The following ERC1 variants were observed in gnomAD, a reference collection of about 807,000 sequenced individuals.
ERC1 encodes the protein RAB6 interacting protein 2.
ERC1 carries 56 observed loss-of-function variants against 132.0 expected under a neutral mutation model. The observed-to-expected ratio is 0.42, with a 90% confidence interval of 0.34 to 0.53. ERC1 has a LOEUF of 0.53. ERC1 is among the 20% of genes least tolerant of loss of function. The pLI, the probability that ERC1 is intolerant of heterozygous loss-of-function variation, is 0.03. For missense variants in ERC1, 1,202 were observed against 1,349.9 expected (o/e 0.89, Z 1.72); for synonymous variants, 478 against 476.1 (o/e 1.00, Z -0.05).
rs114434354 is a variant in ERC1, at chr12:1,210,193, T to C, written c.2351+20141T>C. On this transcript the variant is annotated intron_variant, in intron 12 of 18. Coordinates refer to ENST00000360905, the MANE Select transcript of ERC1 (RefSeq NM_178040.4). The stretch of plus-strand genomic sequence containing the variant: ...TATGGCTTATGCTTTCACAGAAACC[T>C]TCCTTCCAACCTCTAGTTTCTGTTG... 2.7e-3 allele frequency among the ~76,000 whole-genome samples: 407 copies of C among 152,356 alleles called. 5 individuals carry two copies. Among genetic ancestry groups the C allele is most frequent in the African/African-American group, 8.4e-3 (348 of 41,586 alleles).
chr12:1,287,329 C>T (rs139838866), intron 14 of ERC1, among the ~76,000 whole-genome samples: 9 of 152,278 alleles, frequency 5.9e-5, no homozygotes, highest in East Asian at 5.8e-4. Flanking sequence ...TATTGTATAA[C>T]GAACAACCAC....
chr12:1,007,490 C>CTCTT (rs1555194749), intron 1 of ERC1, among the ~76,000 whole-genome samples: 44 of 134,180 alleles, frequency 3.3e-4, no homozygotes, highest in Middle Eastern at 3.7e-3. Context: ...CTCTCTCTCT[C>CTCTT]TCTTTCTCTC....
chr12:997,056 C>CT (rs1290345742), intron 1 of ERC1, among the ~76,000 whole-genome samples: 9 of 152,168 alleles, frequency 5.9e-5, no homozygotes, highest in Non-Finnish European at 1.3e-4. Context: ...GTAGCTGGGA[C>CT]TGTAGCCATG....
At chr12:1,426,819 T>C in intron 17 of ERC1, among the ~76,000 whole-genome samples, 1 of 152,282 alleles carries the variant, frequency 6.6e-6, no homozygotes, top group Non-Finnish European at 1.5e-5. Flanking sequence ...GTTCTTTTTT[T>C]CTTCATAATT....
At chr12:1,008,391 A>G (rs1369384341) in intron 1 of ERC1, among the ~76,000 whole-genome samples, 1 of 152,224 alleles carries the variant, frequency 6.6e-6, no homozygotes, top group Non-Finnish European at 1.5e-5. Context: ...TATGTCCAAA[A>G]TATGATTTAC....
At chr12:993,456 A>G (rs2154125866) in intron 1 of ERC1, among the ~76,000 whole-genome samples, 1 of 152,350 alleles carries the variant, frequency 6.6e-6, no homozygotes, top group Admixed American at 6.5e-5. Flanking sequence ...GCCTGAAATT[A>G]TGCCTACATT....
At chr12:1,112,032 T>TG (rs1432669878) in intron 5 of ERC1, among the ~76,000 whole-genome samples, 183 bp from the exon 6 acceptor site, 1 of 97,814 alleles carries the variant, frequency 1.0e-5, no homozygotes, top group African/African-American at 3.9e-5. Context: ...CAGTCCACTG[T>TG]GGGGGGAAAA....
chr12:1,379,440 A>G (rs1244804544), intron 16 of ERC1, among the ~76,000 whole-genome samples: 1 of 152,194 alleles, frequency 6.6e-6, no homozygotes, highest in Admixed American at 6.5e-5. Flanking sequence ...TGAGGTTTGC[A>G]CTAGTCTCTC....
intron 15 of ERC1, among the ~76,000 whole-genome samples, chr12:1,337,932 A>G (rs1310879598): frequency 1.3e-5 from 2 of 152,144 alleles, no homozygotes; most frequent in African/African-American, 4.8e-5. Context: ...TTGCCTTTGT[A>G]GGTGACCTTA....
At chr12:1,184,376 A>G (rs1954834598) in intron 11 of ERC1, among the ~76,000 whole-genome samples, 1 of 152,002 alleles carries the variant, frequency 6.6e-6, no homozygotes, top group Non-Finnish European at 1.5e-5. Context: ...CTAGAATTTT[A>G]TTATCTTCAC....
chr12:1,380,990 G>C (rs528905552), intron 16 of ERC1: 1 of 152,312 alleles, frequency 6.6e-6, no homozygotes, highest in East Asian at 1.9e-4. Context: ...CCTCGATAAT[G>C]AGGCCAGCCT....
chr12:999,690 G>A (rs1961788648), intron 1 of ERC1, among the ~76,000 whole-genome samples: 2 of 138,572 alleles, frequency 1.4e-5, no homozygotes, highest in African/African-American at 5.4e-5. Flanking sequence ...CCGCCTCCCG[G>A]GTTCAAACGA....
chr12:1,167,307 C>T (rs1249268533), intron 8 of ERC1, among the ~76,000 whole-genome samples: 1 of 152,220 alleles, frequency 6.6e-6, no homozygotes. Context: ...ATATTTTCTT[C>T]TGCTTAAAAA....
chr12:1,262,313 A>G (rs1261702082), intron 13 of ERC1, among the ~76,000 whole-genome samples: 1 of 152,214 alleles, frequency 6.6e-6, no homozygotes, highest in African/African-American at 2.4e-5. Context: ...AGCGTTCTGT[A>G]GGGTTTTGTT....
intron 18 of ERC1, among the ~76,000 whole-genome samples, chr12:1,455,806 G>A (rs2093521046): frequency 6.6e-6 from 1 of 152,192 alleles, no homozygotes; most frequent in South Asian, 2.1e-4. Context: ...AAGGATTTGA[G>A]TCCTGCTTCC....
At chr12:1,273,992 G>C (rs2078066605) in intron 14 of ERC1, among the ~76,000 whole-genome samples, 1 of 152,136 alleles carries the variant, frequency 6.6e-6, no homozygotes, top group Admixed American at 6.6e-5. Flanking sequence ...AGAAATAATG[G>C]TGGAAGACTA....
intron 8 of ERC1, among the ~76,000 whole-genome samples, chr12:1,180,031 A>G (rs1954231632): frequency 1.3e-5 from 2 of 152,214 alleles, no homozygotes; most frequent in Admixed American, 1.3e-4. Flanking sequence ...CTAACCTAAC[A>G]CTAGCCTTTA....
intron 15 of ERC1, among the ~76,000 whole-genome samples, chr12:1,363,526 G>A (rs1159085372): frequency 4.4e-5 from 6 of 137,732 alleles, no homozygotes; most frequent in African/African-American, 1.6e-4. Context: ...CCATTCCCTT[G>A]TAAGTGTATT....
At position 1,271,578 on chromosome 12, in the gene ERC1, C is replaced by A. The variant is rs1380126890; in HGVS notation, c.2619+8413C>A. ...TTTATTATTGATTTAGAGATGAGTT[C>A]TCGATATGTTGTTCAGGCTGGACTG... On this transcript the variant is annotated intron_variant, in intron 14 of 18. Coordinates refer to ENST00000360905, the MANE Select transcript of ERC1 (RefSeq NM_178040.4). Among the ~76,000 whole-genome samples, 3 of 152,112 alleles carry A rather than the reference C, an allele frequency of 2.0e-5. No individual in the cohort carries two copies. The East Asian group carries it at 5.8e-4, about 29-fold the overall frequency.
Sources: allele counts gnomAD v4.1 joint callset (sites outside exome capture counted in the v4.1 genomes callset), GRCh38; gene constraint gnomAD v4.1.1; transcripts MANE v1.5; gene names NCBI Gene and HGNC (gene_info 2026-07-23, HGNC 2026-07-21).